The following FAM227B variants were observed in gnomAD, a reference collection of about 807,000 sequenced individuals.
FAM227B encodes the protein family with sequence similarity 227 member B, also known as protein FAM227B.
A neutral mutation model predicts 73.8 loss-of-function variants in FAM227B; 88 were observed. That is an observed-to-expected ratio of 1.19 (90% CI 1.00 to 1.42). FAM227B has a LOEUF of 1.42. Ranked by LOEUF, FAM227B falls within the 40% of genes most tolerant of loss-of-function variation. The pLI is 0.00. For synonymous variants in FAM227B, 210 were observed against 190.5 expected (o/e 1.10, Z -0.84); for missense variants, 632 against 590.9 (o/e 1.07, Z -0.72).
intron 11 of FAM227B, among the ~76,000 whole-genome samples, chr15:49,433,283 G>A (rs1670692151): frequency 6.6e-6 from 1 of 151,268 alleles, no homozygotes; most frequent in Admixed American, 6.6e-5. Flanking sequence ...TTTGCATTTG[G>A]CACTGTCACT....
chr15:49,339,158 A>T lies in FAM227B; in HGVS notation c.1272-3662T>A, dbSNP rs569228914. On this transcript the variant is annotated intron_variant, in intron 13 of 15. Transcript: ENST00000299338. The stretch of plus-strand genomic sequence containing the variant: ...AGTTTGTCAAACTTATTCTCTGTCC[A>T]GTTTTGTTCCCTTGCTGGCAAGGAG... Among the ~76,000 whole-genome samples the T allele has an allele frequency of 7.4e-4, 113 of 152,010 alleles. 2 individuals carry two copies. The South Asian group carries it at 0.011, about 15-fold the overall frequency.
chr15:49,354,668 C>T (rs566499351), intron 13 of FAM227B, among the ~76,000 whole-genome samples: 2 of 152,330 alleles, frequency 1.3e-5, no homozygotes, highest in South Asian at 2.1e-4. Flanking sequence ...GGGGGAGGGG[C>T]GCCCGCCATT....
chr15:49,576,744 A>C lies in FAM227B; in HGVS notation c.543T>G (p.Phe181Leu), dbSNP rs1172589863. Residue 181 changes from phenylalanine (F) to leucine (L), a missense_variant, in exon 7 of 16, where the codon TTT (phenylalanine) becomes TTG (leucine). By Grantham distance (22) the Phe-to-Leu change is conservative. Transcript: ENST00000299338. Reference sequence around the variant, plus strand: ...ATAAAATGAAATATTTACATACATCAAAATTATGGGCTTTTAAAATAAAAA... The same window carrying C: ...ATAAAATGAAATATTTACATACATCCAAATTATGGGCTTTTAAAATAAAAA... ...IYLFILKAHNFDERVFKIWKT... is the reference protein window; with the variant it reads ...IYLFILKAHNLDERVFKIWKT... 6.5e-7 allele frequency: 1 copy of C among 1,544,430 alleles called. No individual in the cohort carries two copies.
At chr15:49,374,579 G>A (rs1218287383) in intron 11 of FAM227B, among the ~76,000 whole-genome samples, 2 of 152,224 alleles carry the variant, frequency 1.3e-5, no homozygotes, top group Non-Finnish European at 2.9e-5. Flanking sequence ...TTTTGAGACT[G>A]AGTCTCGCTC....
intron 11 of FAM227B, among the ~76,000 whole-genome samples, chr15:49,503,362 T>G (rs2058307463): frequency 6.6e-6 from 1 of 152,182 alleles, no homozygotes; most frequent in African/African-American, 2.4e-5. Flanking sequence ...GACATAGGCA[T>G]GGGCAAGGAC....
At chr15:49,535,187 A>G (rs2060917774) in intron 10 of FAM227B, among the ~76,000 whole-genome samples, 1 of 151,770 alleles carries the variant, frequency 6.6e-6, no homozygotes. Context: ...ACCTTTAGCT[A>G]GACTAAAAAA....
chr15:49,474,784 T>C (rs1250279715), intron 11 of FAM227B, among the ~76,000 whole-genome samples: 1 of 152,018 alleles, frequency 6.6e-6, no homozygotes, highest in African/African-American at 2.4e-5. Context: ...TGAACCCTAT[T>C]GTGAACTGCA....
At chr15:49,539,462 G>C (rs1231581243) in intron 10 of FAM227B, among the ~76,000 whole-genome samples, 2 of 152,194 alleles carry the variant, frequency 1.3e-5, no homozygotes, top group African/African-American at 4.8e-5. Context: ...CCAGGATTTG[G>C]AGTATGAGTA....
At chr15:49,433,300 T>A (rs2050782181) in intron 11 of FAM227B, among the ~76,000 whole-genome samples, 1 of 151,672 alleles carries the variant, frequency 6.6e-6, no homozygotes, top group Admixed American at 6.6e-5. Flanking sequence ...CACTAGAATG[T>A]CAGTTCTGAG....
chr15:49,588,589 A>G (rs1309557666), intron 4 of FAM227B, among the ~76,000 whole-genome samples: 1 of 119,788 alleles, frequency 8.3e-6, no homozygotes, highest in Non-Finnish European at 1.7e-5. Context: ...ATATATATAT[A>G]TATATATATA....
intron 10 of FAM227B, among the ~76,000 whole-genome samples, chr15:49,536,964 C>A (rs1165860369): frequency 1.3e-5 from 2 of 151,956 alleles, no homozygotes; most frequent in Non-Finnish European, 2.9e-5. Context: ...CATAAAACTT[C>A]TAAATGAGAA....
rs1471798219 is a variant in FAM227B at position 49,463,996 on chromosome 15, G to A, written c.1012+44215C>T. 4.6e-5 allele frequency among the ~76,000 whole-genome samples: 7 copies of A among 152,116 alleles called. 1 individual carries two copies. In the South Asian group the frequency reaches 6.2e-4, roughly 14 times the overall value. ...GATAAAGCTGATCTTTTTCATTGGC[G>A]GAGGTGAGACACTTTTTAAAACCTG... is the stretch of plus-strand genomic sequence containing the variant. On this transcript the variant is annotated intron_variant, in intron 11 of 15. Coordinates refer to ENST00000299338, the MANE Select transcript of FAM227B (RefSeq NM_152647.3).
chr15:49,597,373 G>A lies in FAM227B; in HGVS notation c.106-7366C>T, dbSNP rs1337464170. Among the ~76,000 whole-genome samples the A allele has an allele frequency of 6.1e-4, 93 of 151,920 alleles. 1 individual carries two copies. Among genetic ancestry groups the A allele is most frequent in the Non-Finnish European group, 1.3e-4 (9 of 67,834 alleles). Reference sequence around the variant, plus strand: ...TAAAATAACCTGCTCCTGAATGGTCGGTGGGTCAACAATGAAATCAAGATG... The same window carrying A: ...TAAAATAACCTGCTCCTGAATGGTCAGTGGGTCAACAATGAAATCAAGATG... On this transcript the variant is annotated intron_variant, in intron 3 of 15. Coordinates refer to ENST00000299338, the MANE Select transcript of FAM227B (RefSeq NM_152647.3).
chr15:49,498,477 T>C (rs1032991771), intron 11 of FAM227B, among the ~76,000 whole-genome samples: 2 of 152,224 alleles, frequency 1.3e-5, no homozygotes, highest in African/African-American at 4.8e-5. Context: ...ACATGAACTA[T>C]TAAATTAAAA....
At chr15:49,456,965 A>G (rs560726935) in intron 11 of FAM227B, among the ~76,000 whole-genome samples, 4 of 152,136 alleles carry the variant, frequency 2.6e-5, no homozygotes, top group Non-Finnish European at 5.9e-5. Flanking sequence ...GGAACTTAGA[A>G]TTGAAAAAGT....
chr15:49,344,651 A>G (rs547007091), intron 13 of FAM227B, among the ~76,000 whole-genome samples: 191 of 152,302 alleles, frequency 1.3e-3, no homozygotes, highest in Admixed American at 3.7e-3. Context: ...ATAATTGAAA[A>G]TAGAGGTGGT....
In FAM227B at chr15:49,335,492, G is replaced by T. The variant is rs148287477; in HGVS notation, c.1276C>A (p.Pro426Thr). The T allele has an allele frequency of 1.2e-6, 2 of 1,612,190 alleles. No homozygotes were observed. The change falls in exon 14 of 16, where the codon CCT becomes ACT. Residue 426 changes from proline to threonine, a missense_variant. Pro to Thr is a conservative substitution (Grantham distance 38). Coordinates refer to ENST00000299338, the MANE Select transcript of FAM227B (RefSeq NM_152647.3). ...ATAACATCACGGTATGTTGGAGCAG[G>T]TAGTGTGCTAGGCTTATTATTAAGG... The part of the protein sequence containing the change: ...KLTKIFQEPL[P>T]APTYRDVIKE...
chr15:49,380,983 A>C (rs1026195703), intron 11 of FAM227B, among the ~76,000 whole-genome samples: 4 of 152,220 alleles, frequency 2.6e-5, no homozygotes, highest in African/African-American at 9.7e-5. Context: ...CTTCTGGTGC[A>C]CGCCTCAGGG....
chr15:49,513,514 T>A (rs753417169), intron 10 of FAM227B, among the ~76,000 whole-genome samples: 8 of 152,214 alleles, frequency 5.3e-5, no homozygotes, highest in Non-Finnish European at 7.3e-5. Flanking sequence ...CTTTGTCAGA[T>A]AGGTAGCTTG....
Sources: gnomAD v4.1 joint callset for allele counts (sites outside exome capture counted in the v4.1 genomes callset) on GRCh38, gnomAD v4.1.1 for gene constraint, MANE v1.5 for transcripts, NCBI Gene and HGNC (gene_info 2026-07-23, HGNC 2026-07-21) for gene names.